The following ADAMTSL2 variants were observed in gnomAD, a reference collection of about 807,000 sequenced individuals.
The protein encoded by ADAMTSL2 is ADAMTS-like protein 2.
A neutral mutation model predicts 117.0 loss-of-function variants in ADAMTSL2; 55 were observed. The observed-to-expected ratio is 0.47, with a 90% CI of 0.38 to 0.59. The LOEUF is 0.59. ADAMTSL2 is among the 20% of genes least tolerant of loss of function. The pLI is 0.00. For synonymous variants in ADAMTSL2, 572 were observed against 566.4 expected (o/e 1.01, Z -0.14); for missense variants, 1,182 against 1,354.5 (o/e 0.87, Z 2.00).
chr9:133,539,910 T>C (rs1830169267), intron 5 of ADAMTSL2, 37 bp downstream of exon 5: 4 of 1,542,116 alleles, frequency 2.6e-6, no homozygotes, highest in African/African-American at 2.7e-5. Context: ...TGCAGGGAGC[T>C]GACTGAGCTT....
rs1311280163 is a variant in ADAMTSL2, at chr9:133,534,907, C to A, written c.-161C>A. 8 of 1,409,136 alleles carry A rather than the reference C, an allele frequency of 5.7e-6. No homozygotes were observed. Among genetic ancestry groups the A allele is most frequent in the East Asian group, 6.0e-5 (2 of 33,090 alleles). 87.3% of individuals were successfully genotyped at this position (1,409,136 alleles called of 1,614,324 possible). A position where few individuals can be genotyped will look rare whatever the true frequency, so the allele number is the denominator to read the frequency against. ...TTTCTCTGGGAGGACAACCTGCTGA[C>A]CCGAAGCCAGGTAGGCCACCTCGTC... is the stretch of plus-strand genomic sequence containing the variant. On this transcript the variant is annotated 5_prime_UTR_variant, in exon 1 of 19. Transcript: ENST00000651351.
intron 15 of ADAMTSL2, 120 bp from the exon 16 acceptor site, chr9:133,569,288 C>T (rs1831049261): frequency 3.1e-6 from 3 of 975,394 alleles, no homozygotes; most frequent in Non-Finnish European, 4.7e-6. Flanking sequence ...AAGTGGTTAC[C>T]ATGGCAACCG....
At chr9:133,568,217 A>T in intron 13 of ADAMTSL2, 56 bp from the exon 14 acceptor site, 1 of 1,524,230 alleles carries the variant, frequency 6.6e-7, no homozygotes, top group Non-Finnish European at 8.8e-7. Context: ...TGTGGGTTGC[A>T]TGGGGTCCCG....
At chr9:133,539,658 T>TGTCCCGGCTGTCCCGGCTGTC (rs1830154710) in intron 4 of ADAMTSL2, 113 bp from the exon 5 acceptor site, 4 of 994,022 alleles carry the variant, frequency 4.0e-6, no homozygotes, top group Non-Finnish European at 4.5e-6. Context: ...CCCGCACGGC[T>TGTCCCGGCTGTCCCGGCTGTC]GTCCCGGCTG....
upstream of ADAMTSL2, among the ~76,000 whole-genome samples, chr9:133,533,122 G>C (rs960879183): frequency 6.6e-6 from 1 of 152,052 alleles, no homozygotes; most frequent in Non-Finnish European, 1.5e-5. Flanking sequence ...CCCAGAGCGA[G>C]TGTAATCCGG....
At chr9:133,563,827 G>C (rs1457814705) in intron 12 of ADAMTSL2, among the ~76,000 whole-genome samples, 96 of 88,530 alleles carry the variant, frequency 1.1e-3, no homozygotes, top group Middle Eastern at 6.1e-3. Flanking sequence ...GGGAGAGAGA[G>C]AGAGAGAGAG....
Position 133,557,196 on chromosome 9 carries a change from A to G in ADAMTSL2, c.1649+1266A>G, listed in dbSNP as rs1322366272. 6.6e-6 allele frequency among the ~76,000 whole-genome samples: 1 copy of G among 152,140 alleles called. No individual in the cohort carries two copies. The highest frequency in any genetic ancestry group is 2.4e-5 in the African/African-American group (1 of 41,426). Reference sequence around the variant, plus strand: ...ACCCATCCAGCCCTGGGACCAGAGCAACAAAGCCAACCTCCCTGGTGAGCC... The same window carrying G: ...ACCCATCCAGCCCTGGGACCAGAGCGACAAAGCCAACCTCCCTGGTGAGCC... On this transcript the variant is annotated intron_variant, in intron 11 of 18. Coordinates refer to ENST00000651351, the MANE Select transcript of ADAMTSL2 (RefSeq NM_014694.4). This position sits in a 1 kb window ranked among gnomAD's most constrained non-coding sequence, Gnocchi z 5.2.
intron 12 of ADAMTSL2, among the ~76,000 whole-genome samples, chr9:133,563,994 A>G (rs1588302687): frequency 8.1e-5 from 1 of 12,386 alleles, no homozygotes; most frequent in Non-Finnish European, 1.7e-4. Context: ...AGAGGGAGAG[A>G]GAGAGAGAAG....
At chr9:133,540,038 G>C (rs533934091) in intron 5 of ADAMTSL2, among the ~76,000 whole-genome samples, 165 bp downstream of exon 5, 1 of 152,150 alleles carries the variant, frequency 6.6e-6, no homozygotes. Context: ...TGGCCCAGGG[G>C]TCTGTCCCCT....
Position 133,540,753 on chromosome 9 carries a change from C to A in ADAMTSL2, c.558+10C>A. 6.2e-7 allele frequency: 1 copy of A among 1,613,794 alleles called. No individual in the cohort carries two copies. Among genetic ancestry groups the A allele is most frequent in the Non-Finnish European group, 8.5e-7 (1 of 1,180,038 alleles). On this transcript the variant is annotated intron_variant, in intron 6 of 18. Transcript: ENST00000651351. Reference sequence around the variant, plus strand: ...GTCTGGAAAATGTGAGGTTGTTAAACGTTGTAGCAAAAGTACCGCCGGTCT... The same window carrying A: ...GTCTGGAAAATGTGAGGTTGTTAAAAGTTGTAGCAAAAGTACCGCCGGTCT...
At chr9:133,559,218 C>T (rs1014927220) in intron 11 of ADAMTSL2, among the ~76,000 whole-genome samples, 116 of 152,342 alleles carry the variant, frequency 7.6e-4, no homozygotes, top group African/African-American at 2.7e-3. Context: ...CTTCCGGGTT[C>T]TCCGTTCCCT....
At position 133,534,723 on chromosome 9, in the gene ADAMTSL2, G is replaced by A; in HGVS notation, c.-345G>A. 7 of 1,380,294 alleles carry A rather than the reference G, an allele frequency of 5.1e-6. No individual in the cohort carries two copies. Among genetic ancestry groups the A allele is most frequent in the South Asian group, 1.7e-5 (1 of 60,326 alleles). 85.5% of individuals were successfully genotyped at this position (1,380,294 alleles called of 1,614,324 possible). On this transcript the variant is annotated 5_prime_UTR_variant, in exon 1 of 19. Transcript: ENST00000651351. ...GCCGCCACTGGGCTGCGCCCCTCCC[G>A]GGAACCCCCTCTCTTGGATGCTCTT...
At position 133,573,776 on chromosome 9, in the gene ADAMTSL2, C is replaced by T. The variant is rs899061713; in HGVS notation, c.2593-67C>T. On this transcript the variant is annotated intron_variant, in intron 17 of 18. Transcript: ENST00000651351. Reference sequence around the variant, plus strand: ...GGGAAGGGGGAGTGTGCAGGTTCCCCGCCCCCTGCCCAGGCCCCTGCCCCA... The same window carrying T: ...GGGAAGGGGGAGTGTGCAGGTTCCCTGCCCCCTGCCCAGGCCCCTGCCCCA... 2.4e-4 allele frequency: 385 copies of T among 1,596,420 alleles called. 2 individuals carry two copies. The African/African-American group carries it at 4.1e-3, about 17-fold the overall frequency.
rs1830551042 is a variant in ADAMTSL2 at position 133,554,200 on chromosome 9, C to T, written c.940-157C>T. ...GACTTGGATGCCCCTGGGGCAGGAG[C>T]ACTGCGTTGGGCTGGGCTAGTCAGT... On this transcript the variant is annotated intron_variant, in intron 9 of 18. Coordinates refer to ENST00000651351, the MANE Select transcript of ADAMTSL2 (RefSeq NM_014694.4). This position sits in a 1 kb window ranked among gnomAD's most constrained non-coding sequence, Gnocchi z 5.2. Among the ~76,000 whole-genome samples the T allele has an allele frequency of 6.6e-6, 1 of 152,212 alleles. No homozygotes were observed. The highest frequency in any genetic ancestry group is 6.5e-5 in the Admixed American group (1 of 15,286).
At chr9:133,551,296 G>GACC (rs145422438) in intron 9 of ADAMTSL2, among the ~76,000 whole-genome samples, 3,115 of 146,392 alleles carry the variant, frequency 0.021, 36 homozygotes, top group African/African-American at 0.028. Context: ...CATCATAAGG[G>GACC]CCCCCCCACA....
At chr9:133,568,234 A>T in intron 13 of ADAMTSL2, 39 bp from the exon 14 acceptor site, 7 of 1,540,642 alleles carry the variant, frequency 4.5e-6, no homozygotes, top group Non-Finnish European at 6.1e-6. Context: ...CCCGGCTGCC[A>T]TGGGGGGGAT....
At position 133,574,999 on chromosome 9, in the gene ADAMTSL2, C is replaced by G; in HGVS notation, c.*135C>G. ...AGACGTGGCACTGAGCCTCGGCTGT[C>G]GAGAGGGGACTTCCCACGGCCCGTG... is the stretch of plus-strand genomic sequence containing the variant. On this transcript the variant is annotated 3_prime_UTR_variant, in exon 19 of 19. Coordinates refer to ENST00000651351, the MANE Select transcript of ADAMTSL2 (RefSeq NM_014694.4). 4.3e-6 allele frequency: 3 copies of G among 698,714 alleles called. No individual in the cohort carries two copies. The South Asian group carries it at 4.8e-5, about 11-fold the overall frequency. 43.3% of individuals were successfully genotyped at this position (698,714 alleles called of 1,614,324 possible). A position where few individuals can be genotyped will look rare whatever the true frequency, so the allele number is the denominator to read the frequency against.
rs1830650890 is a variant in ADAMTSL2 at position 133,558,238 on chromosome 9, T to A, written c.1649+2308T>A. Among the ~76,000 whole-genome samples, 1 of 152,080 alleles carries A rather than the reference T, an allele frequency of 6.6e-6. No individual in the cohort carries two copies. The highest frequency in any genetic ancestry group is 1.5e-5 in the Non-Finnish European group (1 of 68,014). Reference sequence around the variant, plus strand: ...CGCTGCTCCCCCGGCCGGCCTGCCATCAAAGGATGCTGCCGCACAGGGACC... The same window carrying A: ...CGCTGCTCCCCCGGCCGGCCTGCCAACAAAGGATGCTGCCGCACAGGGACC... On this transcript the variant is annotated intron_variant, in intron 11 of 18. Transcript: ENST00000651351. The surrounding 1 kb of genome is among the most constrained non-coding windows in gnomAD (Gnocchi z 4.3).
intron 17 of ADAMTSL2, among the ~76,000 whole-genome samples, chr9:133,571,583 G>A (rs1388898940): frequency 6.6e-6 from 1 of 152,194 alleles, no homozygotes; most frequent in Non-Finnish European, 1.5e-5. Flanking sequence ...GTGCCAGTGG[G>A]TGCCCCTCTG....
Sources: gnomAD v4.1 joint callset for allele counts (sites outside exome capture counted in the v4.1 genomes callset) on GRCh38, gnomAD v4.1.1 for gene constraint, Gnocchi (gnomAD v3.1) non-coding constraint, MANE v1.5 for transcripts, NCBI Gene and HGNC (gene_info 2026-07-23, HGNC 2026-07-21) for gene names.